Variants in TAFA2 observed in about 807,000 individuals in gnomAD.
TAFA2 encodes TAFA chemokine like family member 2, also known as chemokine-like protein TAFA-2.
A neutral mutation model predicts 18.8 loss-of-function variants in TAFA2; 7 were observed. That is an observed-to-expected ratio of 0.37 (90% CI 0.21 to 0.70). TAFA2 has a LOEUF of 0.70. TAFA2 is among the 30% of genes least tolerant of loss of function. The pLI is 0.53. For synonymous variants in TAFA2, 60 were observed against 54.2 expected (o/e 1.11, Z -0.47); for missense variants, 122 against 158.1 (o/e 0.77, Z 1.23).
intron 1 of TAFA2, among the ~76,000 whole-genome samples, chr12:62,097,678 G>A (rs1270757755): frequency 1.3e-5 from 2 of 152,086 alleles, no homozygotes; most frequent in African/African-American, 2.4e-5. Context: ...TCAATTACAG[G>A]GACATTGCAG....
intron 2 of TAFA2, 120 bp downstream of exon 2, chr12:61,867,200 G>C: frequency 1.5e-6 from 1 of 650,160 alleles, no homozygotes; most frequent in Middle Eastern, 2.5e-4. Flanking sequence ...AAAGAAAACT[G>C]CCAGGGGGAG....
At chr12:61,966,347 G>A (rs1304264267) in intron 1 of TAFA2, among the ~76,000 whole-genome samples, 1 of 151,898 alleles carries the variant, frequency 6.6e-6, no homozygotes, top group East Asian at 1.9e-4. Flanking sequence ...ATGTTCCAGA[G>A]GAAGGAACAC....
intron 1 of TAFA2, among the ~76,000 whole-genome samples, chr12:61,980,105 GC>G (rs1879578023): frequency 6.6e-6 from 1 of 151,330 alleles, no homozygotes; most frequent in Non-Finnish European, 1.5e-5. Flanking sequence ...CAGATACTTC[GC>G]CCCCATAGAA....
At chr12:61,783,232 A>G (rs371984641) in intron 2 of TAFA2, among the ~76,000 whole-genome samples, 3 of 151,824 alleles carry the variant, frequency 2.0e-5, no homozygotes, top group South Asian at 2.1e-4. Context: ...ACAAAGCTAT[A>G]AAGGAATATT....
At chr12:62,042,373 G>C (rs906421210) in intron 1 of TAFA2, among the ~76,000 whole-genome samples, 1 of 151,590 alleles carries the variant, frequency 6.6e-6, no homozygotes, top group African/African-American at 2.4e-5. Context: ...CTGACCACCA[G>C]ATTTAGTCCT....
intron 1 of TAFA2, among the ~76,000 whole-genome samples, chr12:62,068,551 G>A (rs1473637630): frequency 6.6e-6 from 1 of 152,042 alleles, no homozygotes; most frequent in Non-Finnish European, 1.5e-5. Flanking sequence ...TTTGAAATAG[G>A]TCTTACAATA....
In TAFA2 at chr12:61,814,332, T is replaced by C. The variant is rs926405036; in HGVS notation, c.106+52988A>G. Reference sequence around the variant, plus strand: ...AGCTAGGGAATGGGGCAAGACGAAGTTGTGGAGGTAACAGGAGCCCCATGA... The same window carrying C: ...AGCTAGGGAATGGGGCAAGACGAAGCTGTGGAGGTAACAGGAGCCCCATGA... On this transcript the variant is annotated intron_variant, in intron 2 of 4. Coordinates refer to ENST00000416284, the MANE Select transcript of TAFA2 (RefSeq NM_178539.5). Among the ~76,000 whole-genome samples the C allele has an allele frequency of 3.3e-5, 5 of 151,258 alleles. 1 individual carries two copies. The highest frequency in any genetic ancestry group is 1.2e-4 in the African/African-American group (5 of 40,594).
chr12:61,919,144 C>T (rs1876943781), intron 1 of TAFA2, among the ~76,000 whole-genome samples: 1 of 152,182 alleles, frequency 6.6e-6, no homozygotes, highest in Non-Finnish European at 1.5e-5. Context: ...GAATTATTTA[C>T]ATTAATGACA....
intron 1 of TAFA2, among the ~76,000 whole-genome samples, chr12:62,245,763 A>AAT (rs898550123): frequency 4.6e-4 from 68 of 147,738 alleles, no homozygotes; most frequent in Middle Eastern, 3.7e-3. Context: ...TATATAAAGC[A>AAT]ATATATATAT....
chr12:62,084,871 G>A (rs1474287676), intron 1 of TAFA2, among the ~76,000 whole-genome samples: 2 of 152,136 alleles, frequency 1.3e-5, no homozygotes, highest in African/African-American at 2.4e-5. Context: ...TCCCAATGCT[G>A]AATAGCATCA....
chr12:61,759,465 T>C (rs1869435041), intron 2 of TAFA2, among the ~76,000 whole-genome samples: 1 of 152,038 alleles, frequency 6.6e-6, no homozygotes, highest in Non-Finnish European at 1.5e-5. Flanking sequence ...CAACGAATTA[T>C]GTTGTTGATA....
intron 1 of TAFA2, among the ~76,000 whole-genome samples, chr12:62,200,646 G>C (rs2062667312): frequency 6.6e-6 from 1 of 152,106 alleles, no homozygotes; most frequent in South Asian, 2.1e-4. Context: ...TGCTGTTTTG[G>C]TTACTGTAGT....
intron 1 of TAFA2, among the ~76,000 whole-genome samples, chr12:62,159,409 T>G (rs991582533): frequency 6.6e-6 from 1 of 152,214 alleles, no homozygotes; most frequent in Non-Finnish European, 1.5e-5. Flanking sequence ...ATAAAATTCT[T>G]AAGTATCTTG....
intron 1 of TAFA2, among the ~76,000 whole-genome samples, chr12:62,249,044 C>T (rs1169901310): frequency 3.9e-5 from 6 of 152,044 alleles, no homozygotes; most frequent in Non-Finnish European, 8.8e-5. Context: ...ACACCCATGC[C>T]CCAGGGTAAT....
chr12:62,094,904 T>C (rs1029248281), intron 1 of TAFA2, among the ~76,000 whole-genome samples: 19 of 152,092 alleles, frequency 1.2e-4, no homozygotes, highest in African/African-American at 3.9e-4. Context: ...GAAAAATATA[T>C]ATTACAAAGA....
chr12:62,177,460 T>C (rs1444381767), intron 1 of TAFA2, among the ~76,000 whole-genome samples: 1 of 152,214 alleles, frequency 6.6e-6, no homozygotes, highest in Non-Finnish European at 1.5e-5. Context: ...CACATTATTG[T>C]TCCCCAAATC....
intron 1 of TAFA2, among the ~76,000 whole-genome samples, chr12:62,164,864 A>T (rs1375346056): frequency 6.6e-6 from 1 of 152,094 alleles, no homozygotes; most frequent in Non-Finnish European, 1.5e-5. Context: ...GGGCTAAACA[A>T]ATAATAGCTC....
intron 4 of TAFA2, among the ~76,000 whole-genome samples, chr12:61,751,861 A>G (rs61940923): frequency 6.6e-6 from 1 of 151,858 alleles, no homozygotes; most frequent in Non-Finnish European, 1.5e-5. Context: ...CAGCACTTCC[A>G]AATTTTTTTT....
intron 1 of TAFA2, among the ~76,000 whole-genome samples, chr12:62,092,107 G>A (rs756743536): frequency 1.3e-4 from 19 of 151,884 alleles, no homozygotes; most frequent in African/African-American, 3.6e-4. Flanking sequence ...ACCAGTCTGT[G>A]CTCCTAGTTA....
Sources: allele counts gnomAD v4.1 joint callset (sites outside exome capture counted in the v4.1 genomes callset), GRCh38; gene constraint gnomAD v4.1.1; transcripts MANE v1.5; gene names NCBI Gene and HGNC (gene_info 2026-07-23, HGNC 2026-07-21).